The following KANK1 variants were observed in gnomAD, a reference collection of about 807,000 sequenced individuals.
KANK1 encodes KN motif and ankyrin repeat domains 1.
KANK1 carries 109 observed loss-of-function variants against 106.2 expected under a neutral mutation model. The observed-to-expected ratio is 1.03, with a 90% CI of 0.88 to 1.20. The LOEUF is 1.20. Ranked by LOEUF, KANK1 falls within the 50% of genes most tolerant of loss-of-function variation. KANK1 has a pLI of 0.00. For missense variants in KANK1, 2,399 were observed against 1,710.7 expected (o/e 1.40, Z -7.10); for synonymous variants, 873 against 652.2 (o/e 1.34, Z -5.16).
At chr9:574,520 G>A (rs888112995) in intron 1 of KANK1, among the ~76,000 whole-genome samples, 1 of 152,098 alleles carries the variant, frequency 6.6e-6, no homozygotes, top group African/African-American at 2.4e-5. Context: ...GTACCACTCT[G>A]TTCTCAACAG....
chr9:553,518 C>T (rs996508712), intron 1 of KANK1, among the ~76,000 whole-genome samples: 2 of 152,162 alleles, frequency 1.3e-5, no homozygotes, highest in African/African-American at 2.4e-5. Flanking sequence ...GGTCCTTGAT[C>T]TTCCGCACCC....
chr9:671,623 A>AAAAAAAAAAAGAAAAAAG (rs79437342), intron 1 of KANK1, among the ~76,000 whole-genome samples: 2 of 103,636 alleles, frequency 1.9e-5, no homozygotes, highest in Non-Finnish European at 1.8e-5. Context: ...CTCAAAAAAA[A>AAAAAAAAAAAGAAAAAAG]AAAAGAGTGT....
chr9:726,458 G>A (rs985334831), intron 3 of KANK1, among the ~76,000 whole-genome samples: 1 of 152,078 alleles, frequency 6.6e-6, no homozygotes, highest in African/African-American at 2.4e-5. Flanking sequence ...GGCCAACATG[G>A]TGAAACCGAG....
rs569261631 is a variant in KANK1 at position 603,192 on chromosome 9, TCC to T, written c.-83-73696_-83-73695del. ...GGACCGTGGCATTGTGTAAGAAATT[TCC>T]CTACTCATCCCATCCCTGGGGCACA... is the stretch of plus-strand genomic sequence containing the variant. On this transcript the variant is annotated intron_variant, in intron 1 of 11. Coordinates refer to ENST00000382297, the MANE Select transcript of KANK1 (RefSeq NM_015158.5). Among the ~76,000 whole-genome samples, 45 of 151,762 alleles carry T rather than the reference TCC, an allele frequency of 3.0e-4. No individual in the cohort carries two copies. The South Asian group carries it at 4.2e-3, about 14-fold the overall frequency.
chr9:684,186 C>T (rs893144575), intron 2 of KANK1: 2 of 985,254 alleles, frequency 2.0e-6, no homozygotes, highest in Admixed American at 6.1e-5. Flanking sequence ...TGCCCCAAGC[C>T]TTGAGCCAGT....
chr9:642,670 T>C (rs1229943810), intron 1 of KANK1, among the ~76,000 whole-genome samples: 3 of 150,828 alleles, frequency 2.0e-5, no homozygotes, highest in Non-Finnish European at 4.4e-5. Context: ...ACAAGAACTT[T>C]TGTGGCAGGT....
chr9:648,549 G>C (rs916473026), intron 1 of KANK1, among the ~76,000 whole-genome samples: 1 of 152,140 alleles, frequency 6.6e-6, no homozygotes, highest in African/African-American at 2.4e-5. Context: ...TAGGCTCTGA[G>C]CGCGAGGCTC....
At chr9:653,254 C>T (rs1841322722) in intron 1 of KANK1, among the ~76,000 whole-genome samples, 1 of 151,962 alleles carries the variant, frequency 6.6e-6, no homozygotes, top group African/African-American at 2.4e-5. Context: ...TCCCAGAGTC[C>T]CAGAGGTAGT....
intron 3 of KANK1, chr9:495,379 A>G (rs995709749): frequency 2.6e-5 from 4 of 152,160 alleles, no homozygotes; most frequent in African/African-American, 7.2e-5. Flanking sequence ...CCTTCAATAA[A>G]AGACTCTTAC....
intron 2 of KANK1, among the ~76,000 whole-genome samples, chr9:692,521 T>TA (rs397746010): frequency 1.3e-5 from 2 of 150,734 alleles, no homozygotes; most frequent in African/African-American, 4.9e-5. Context: ...TTTTTTTTTT[T>TA]ACTTTAAACT....
intron 1 of KANK1, among the ~76,000 whole-genome samples, chr9:609,420 G>C (rs1319056851): frequency 6.6e-6 from 1 of 152,128 alleles, no homozygotes; most frequent in African/African-American, 2.4e-5. Context: ...CTGAGGTCAG[G>C]AGTTCAAAAC....
At chr9:630,907 A>G (rs983473654) in intron 1 of KANK1, among the ~76,000 whole-genome samples, 2 of 151,720 alleles carry the variant, frequency 1.3e-5, no homozygotes, top group African/African-American at 2.4e-5. Flanking sequence ...ATGAGCCGAG[A>G]TCATGCCGCC....
At chr9:694,423 G>T (rs1053449127) in intron 2 of KANK1, among the ~76,000 whole-genome samples, 10 of 152,220 alleles carry the variant, frequency 6.6e-5, no homozygotes, top group South Asian at 2.1e-4. Context: ...TTCTGTGCAT[G>T]CATGATTGAT....
chr9:637,929 AC>A (rs1481045415), intron 1 of KANK1, among the ~76,000 whole-genome samples: 1 of 151,980 alleles, frequency 6.6e-6, no homozygotes, highest in Non-Finnish European at 1.5e-5. Context: ...ACCATCAGAG[AC>A]TCTGGTTCCT....
intron 1 of KANK1, among the ~76,000 whole-genome samples, chr9:582,099 C>T (rs1176918306): frequency 6.6e-6 from 1 of 152,132 alleles, no homozygotes; most frequent in African/African-American, 2.4e-5. Context: ...ATGCTGGCTG[C>T]CGCCAGGTGG....
intron 10 of KANK1, among the ~76,000 whole-genome samples, chr9:743,982 G>C (rs1836458163): frequency 6.6e-6 from 1 of 152,172 alleles, no homozygotes; most frequent in Admixed American, 6.5e-5. Flanking sequence ...CCCATATGTA[G>C]TGTTTCCCCT....
At chr9:472,449 TTGCTGACCCAG>T in intron 2 of KANK1, among the ~76,000 whole-genome samples, 1 of 130,316 alleles carries the variant, frequency 7.7e-6, no homozygotes, top group African/African-American at 4.8e-5. Context: ...CAGGACCCAG[TTGCTGACCCAG>T]TTGCTGCAAA....
At chr9:646,466 A>T (rs771176464) in intron 1 of KANK1, among the ~76,000 whole-genome samples, 1 of 151,050 alleles carries the variant, frequency 6.6e-6, no homozygotes, top group East Asian at 1.9e-4. Flanking sequence ...TCTCTCTCTA[A>T]TTATATCTTC....
At chr9:563,476 C>G (rs2134483204) in intron 1 of KANK1, among the ~76,000 whole-genome samples, 1 of 152,246 alleles carries the variant, frequency 6.6e-6, no homozygotes. Context: ...CTCTCATTGC[C>G]ACTAGTAATA....
Sources: allele counts gnomAD v4.1 joint callset (sites outside exome capture counted in the v4.1 genomes callset), GRCh38; gene constraint gnomAD v4.1.1; transcripts MANE v1.5; gene names NCBI Gene and HGNC (gene_info 2026-07-23, HGNC 2026-07-21).